The following SYPL2 variants were observed in gnomAD, a reference collection of about 807,000 sequenced individuals.
SYPL2 encodes synaptophysin-like protein 2.
Under a neutral mutation model 31.3 loss-of-function variants are expected in SYPL2, and 24 were observed. The observed-to-expected ratio is 0.77, with a 90% confidence interval of 0.56 to 1.08. The LOEUF (loss-of-function observed/expected upper bound fraction) is 1.08, where lower values mean the gene tolerates loss of function less well. Among genes scored for constraint, SYPL2 ranks in the 50% least tolerant of loss-of-function variants. The pLI is 0.00. For missense variants in SYPL2, 342 were observed against 360.1 expected, an observed-to-expected ratio of 0.95 and a Z score of 0.41; for synonymous variants, 144 against 143.1, an observed-to-expected ratio of 1.01 and a Z score of -0.05.
chr1:109,475,717 T>C lies in SYPL2; in HGVS notation c.254+12T>C. The stretch of plus-strand genomic sequence containing the variant: ...GGCTATCCCTTCAGGTGAGCAAGAA[T>C]TGGTTCCAACCCAGCACATCATCTC... On this transcript the variant is annotated intron_variant, in intron 3 of 5. Coordinates refer to ENST00000369872, the MANE Select transcript of SYPL2 (RefSeq NM_001040709.2). The C allele has an allele frequency of 2.5e-6, 4 of 1,611,628 alleles. No individual in the cohort carries two copies. The highest frequency in any genetic ancestry group is 3.4e-6 in the Non-Finnish European group (4 of 1,178,098).
At position 109,479,463 on chromosome 1, in the gene SYPL2, GCCAGGACCAGGACCAGGA is replaced by G; in HGVS notation, c.746_763del (p.Asp249_Gln254del). 3.7e-6 allele frequency: 6 copies of G among 1,614,136 alleles called. No individual in the cohort carries two copies. The highest frequency in any genetic ancestry group is 2.2e-5 in the South Asian group (2 of 91,078). On this transcript the variant is annotated inframe_deletion, in exon 6 of 6. Transcript: ENST00000369872. Reference sequence around the variant, plus strand: ...ACCCCGTGGCATGGACAGGGCCAGGGCCAGGACCAGGACCAGGACCAGGACCAGGGCCAGGGTCCCAGC... The same window carrying G: ...ACCCCGTGGCATGGACAGGGCCAGGGCCAGGACCAGGGCCAGGGTCCCAGC...
chr1:109,477,513 G>T (rs1340463049), intron 4 of SYPL2, among the ~76,000 whole-genome samples: 1 of 152,198 alleles, frequency 6.6e-6, no homozygotes, highest in Non-Finnish European at 1.5e-5. Context: ...TGGGAGGGAA[G>T]AGTGGGGAAT....
Position 109,480,365 on chromosome 1 carries a change from C to T in SYPL2, c.*817C>T, listed in dbSNP as rs1372176734. 1 of 152,296 alleles carries T rather than the reference C, an allele frequency of 6.6e-6. No homozygotes were observed. The highest frequency in any genetic ancestry group is 1.5e-5 in the Non-Finnish European group (1 of 68,100). The allele number at this position is 152,296 out of a possible 1,614,324, so 9.4% of individuals were successfully genotyped here. A position where few individuals can be genotyped will look rare whatever the true frequency, so the allele number is the denominator to read the frequency against. The stretch of plus-strand genomic sequence containing the variant: ...TCTACTTTAGAAACGCCCTATCTTC[C>T]TCCCTGTCCTCCTTCTTGGTCTCAC... On this transcript the variant is annotated 3_prime_UTR_variant, in exon 6 of 6. Coordinates refer to ENST00000369872, the MANE Select transcript of SYPL2 (RefSeq NM_001040709.2).
intron 2 of SYPL2, 100 bp downstream of exon 2, chr1:109,467,233 C>G (rs1305758622): frequency 7.6e-6 from 2 of 262,420 alleles, no homozygotes; most frequent in Non-Finnish European, 1.1e-5. Flanking sequence ...GTGCTGCGGC[C>G]GGGCCACGGC....
At chr1:109,475,796 CCATT>C in intron 3 of SYPL2, 91 bp downstream of exon 3, 28 of 1,513,372 alleles carry the variant, frequency 1.9e-5, no homozygotes, top group Non-Finnish European at 2.3e-5. Context: ...AACCTAAAAA[CCATT>C]CATTGCGTGC....
chr1:109,475,496 C>A, intron 2 of SYPL2, 85 bp from the exon 3 acceptor site: 2 of 1,539,262 alleles, frequency 1.3e-6, no homozygotes, highest in South Asian at 1.2e-5. Context: ...CACTTAATGT[C>A]TGCACCTGCG....
At chr1:109,477,709 G>C in intron 4 of SYPL2, 109 bp from the exon 5 acceptor site, 2 of 1,471,328 alleles carry the variant, frequency 1.4e-6, no homozygotes, top group Non-Finnish European at 1.8e-6. Flanking sequence ...GATGGGAAGA[G>C]GCAACTGTCC....
rs781772297 is a variant in SYPL2, at chr1:109,477,986, A to G, written c.625A>G (p.Met209Val). 3.7e-6 allele frequency: 6 copies of G among 1,614,188 alleles called. No homozygotes were observed. The Admixed American group carries it at 1.0e-4, about 27-fold the overall frequency. Residue 209 changes from methionine to valine, a missense_variant, in exon 5 of 6, where the codon ATG becomes GTG. Physicochemically the swap from Met to Val is conservative, Grantham distance 21. Transcript: ENST00000369872. ...AVCSAGATPS[M>V]GLANISVLFG... ...GTGCAGTGCCGGGGCCACGCCCTCT[A>G]TGGGCCTGGCCAACATCTCCGTGGT...
At chr1:109,475,528 A>T in intron 2 of SYPL2, 53 bp from the exon 3 acceptor site, 1 of 1,594,932 alleles carries the variant, frequency 6.3e-7, no homozygotes, top group Non-Finnish European at 8.6e-7. Context: ...TTAGTTCTCG[A>T]CTTTGGCCAG....
intron 2 of SYPL2, among the ~76,000 whole-genome samples, chr1:109,474,655 C>A (rs562295204): frequency 3.0e-4 from 45 of 152,194 alleles, no homozygotes; most frequent in African/African-American, 1.1e-3. Context: ...ACCTCCTTTT[C>A]TAACCAAAGT....
intron 2 of SYPL2, 99 bp from the exon 3 acceptor site, chr1:109,475,482 C>A (rs990884210): frequency 2.1e-5 from 32 of 1,492,812 alleles, no homozygotes; most frequent in Non-Finnish European, 2.7e-5. Flanking sequence ...CTCCCCCACT[C>A]CCGCACTTAA....
At chr1:109,469,559 T>C (rs965992088) in intron 2 of SYPL2, among the ~76,000 whole-genome samples, 6 of 87,870 alleles carry the variant, frequency 6.8e-5, no homozygotes, top group Admixed American at 4.6e-4. Context: ...AGAAAAGAAG[T>C]ATCTTAAAAA....
chr1:109,469,438 C>T (rs1453806265), intron 2 of SYPL2, among the ~76,000 whole-genome samples: 4 of 149,522 alleles, frequency 2.7e-5, no homozygotes, highest in African/African-American at 9.9e-5. Flanking sequence ...CTCACTAAGT[C>T]TATACTAAGC....
intron 2 of SYPL2, among the ~76,000 whole-genome samples, chr1:109,473,852 G>A (rs1027021165): frequency 9.4e-5 from 14 of 149,624 alleles, no homozygotes; most frequent in African/African-American, 1.5e-4. Context: ...CCAAGATTGC[G>A]CCACTACACT....
At chr1:109,471,933 G>A (rs1480551051) in intron 2 of SYPL2, among the ~76,000 whole-genome samples, 1 of 151,610 alleles carries the variant, frequency 6.6e-6, no homozygotes, top group African/African-American at 2.4e-5. Flanking sequence ...TTGAACTCCT[G>A]GCCTCAAGTG....
intron 1 of SYPL2, 80 bp downstream of exon 1, chr1:109,466,977 C>A: frequency 6.5e-7 from 1 of 1,536,200 alleles, no homozygotes. Context: ...ACCCCTGGAC[C>A]GCGTGTGAGT....
intron 2 of SYPL2, 47 bp downstream of exon 2, chr1:109,467,180 G>A (rs2272272): frequency 0.058 from 86,361 of 1,499,294 alleles, 2,629 homozygotes; most frequent in African/African-American, 0.074. Context: ...CCTGGGCTGT[G>A]ACGCTGACCT....
chr1:109,476,876 G>C lies in SYPL2; in HGVS notation c.355G>C (p.Val119Leu). Residue 119 changes from valine to leucine, a missense_variant, in exon 4 of 6, where the codon GTG becomes CTG. Val to Leu is a conservative substitution (Grantham distance 32, BLOSUM62 1). Coordinates refer to ENST00000369872, the MANE Select transcript of SYPL2 (RefSeq NM_001040709.2). ...GDFSAPAEFF[V>L]TLGIFSFFYT... The stretch of plus-strand genomic sequence containing the variant: ...CTTCTCTGCACCCGCCGAGTTCTTC[G>C]TGACCCTTGGCATCTTTTCCTTCTT... The C allele has an allele frequency of 6.2e-7, 1 of 1,614,192 alleles. No homozygotes were observed. Among genetic ancestry groups the C allele is most frequent in the Non-Finnish European group, 8.5e-7 (1 of 1,180,036 alleles).
rs1249027414 is a variant in SYPL2 at position 109,477,091 on chromosome 1, C to T, written c.456+114C>T. On this transcript the variant is annotated intron_variant, in intron 4 of 5. Transcript: ENST00000369872. ...GGCGGCTTCCACCCCCATGGTGGAACCTCTGCCTCCATCAACCTCCCGTTG... is the reference window on the plus strand; with the variant it reads ...GGCGGCTTCCACCCCCATGGTGGAATCTCTGCCTCCATCAACCTCCCGTTG... 8 of 1,241,458 alleles carry T rather than the reference C, an allele frequency of 6.4e-6. No individual in the cohort carries two copies. The East Asian group carries it at 1.7e-4, about 26-fold the overall frequency. The allele number at this position is 1,241,458 out of a possible 1,614,324, so 76.9% of individuals were successfully genotyped here.
Sources: allele counts gnomAD v4.1 joint callset (sites outside exome capture counted in the v4.1 genomes callset), GRCh38; gene constraint gnomAD v4.1.1; transcripts MANE v1.5; gene names NCBI Gene and HGNC (gene_info 2026-07-23, HGNC 2026-07-21).